Variants in PGBD2 observed in about 807,000 individuals in gnomAD.
The protein encoded by PGBD2 is piggyBac transposable element-derived protein 2.
A neutral mutation model predicts 8.1 loss-of-function variants in PGBD2; 6 were observed. The observed-to-expected ratio is 0.74, with a 90% CI of 0.40 to 1.46. PGBD2 has a LOEUF of 1.46. PGBD2 is among the 40% of genes most tolerant of loss of function. PGBD2 has a pLI of 0.02. For synonymous variants in PGBD2, 318 were observed against 272.2 expected (o/e 1.17, Z -1.66); for missense variants, 802 against 739.0 (o/e 1.09, Z -0.99).
the PGBD2 span, among the ~76,000 whole-genome samples, chr1:248,879,506 T>C: frequency 6.6e-6 from 1 of 152,200 alleles, no homozygotes; most frequent in Non-Finnish European, 1.5e-5. Flanking sequence ...ACTATTCTCC[T>C]GCCTCAGCCT....
intron 1 of PGBD2, among the ~76,000 whole-genome samples, chr1:248,907,034 C>T (rs906471628): frequency 2.0e-5 from 3 of 152,028 alleles, no homozygotes; most frequent in Non-Finnish European, 4.4e-5. Context: ...CCCAGGGGAC[C>T]GGCACTCAGC....
At chr1:248,904,182 C>G (rs1030967495), upstream of PGBD2, among the ~76,000 whole-genome samples, 1 of 151,768 alleles carries the variant, frequency 6.6e-6, no homozygotes, top group Non-Finnish European at 1.5e-5. Context: ...TAAATATTTT[C>G]CCCAATTTTT....
At position 248,915,427 on chromosome 1, in the gene PGBD2, T is replaced by C. The variant is rs965252026; in HGVS notation, c.18-1175T>C. On this transcript the variant is annotated intron_variant, in intron 2 of 2. Transcript: ENST00000329291. ...ATAAATTATATGAGCTATTTAATACTTAATTATAAAATAGGCTTTGTGTTA... is the reference window on the plus strand; with the variant it reads ...ATAAATTATATGAGCTATTTAATACCTAATTATAAAATAGGCTTTGTGTTA... Among the ~76,000 whole-genome samples, 8 of 152,364 alleles carry C rather than the reference T, an allele frequency of 5.3e-5. No individual in the cohort carries two copies. The South Asian group carries it at 1.4e-3, about 28-fold the overall frequency.
At chr1:248,913,674 C>T in intron 1 of PGBD2, 142 bp from the exon 2 acceptor site, 1 of 610,864 alleles carries the variant, frequency 1.6e-6, no homozygotes, top group Non-Finnish European at 2.9e-6. Context: ...TCTTTTCCCT[C>T]TGAATAACCA....
At position 248,917,765 on chromosome 1, in the gene PGBD2, AGAG is replaced by A. The variant is rs1558290147; in HGVS notation, c.1183_1185del (p.Arg395del). ...GACCCCAAAGAACTGAAAAAAATGAAGAGGGGTTCATTTGATTACAAAGTCGAT... is the reference window on the plus strand; with the variant it reads ...GACCCCAAAGAACTGAAAAAAATGAAGGGTTCATTTGATTACAAAGTCGAT... On this transcript the variant is annotated inframe_deletion, in exon 3 of 3. Coordinates refer to ENST00000329291, the MANE Select transcript of PGBD2 (RefSeq NM_170725.3). 1.2e-6 allele frequency: 2 copies of A among 1,614,200 alleles called. No individual in the cohort carries two copies. The highest frequency in any genetic ancestry group is 1.1e-5 in the South Asian group (1 of 91,080).
At chr1:248,904,374 T>C (rs1353996405), upstream of PGBD2, among the ~76,000 whole-genome samples, 1 of 152,212 alleles carries the variant, frequency 6.6e-6, no homozygotes. Flanking sequence ...TTTTTAAACG[T>C]AGCTTTATTC....
At chr1:248,898,527 G>T in the PGBD2 span, among the ~76,000 whole-genome samples, 2 of 152,166 alleles carry the variant, frequency 1.3e-5, no homozygotes, top group African/African-American at 4.8e-5. Flanking sequence ...AAGCAAAAAA[G>T]AAATAAGACC....
chr1:248,909,250 A>T (rs141421707), intron 1 of PGBD2, among the ~76,000 whole-genome samples: 1 of 152,176 alleles, frequency 6.6e-6, no homozygotes, highest in Non-Finnish European at 1.5e-5. Flanking sequence ...AGCACAGTCT[A>T]CAGACTCCTG....
At chr1:248,928,759 C>T in the PGBD2 span, among the ~76,000 whole-genome samples, 2 of 152,138 alleles carry the variant, frequency 1.3e-5, no homozygotes, top group African/African-American at 2.4e-5. Flanking sequence ...CTCATTTTTT[C>T]TCAACAAACT....
upstream of PGBD2, among the ~76,000 whole-genome samples, chr1:248,901,350 G>A (rs778386856): frequency 1.3e-5 from 2 of 152,128 alleles, no homozygotes; most frequent in African/African-American, 4.8e-5. Context: ...TATATAAGAA[G>A]GCTATGGTAA....
chr1:248,902,043 CG>C, upstream of PGBD2, among the ~76,000 whole-genome samples: 1 of 152,022 alleles, frequency 6.6e-6, no homozygotes, highest in Non-Finnish European at 1.5e-5. Context: ...CCAAGGCAAG[CG>C]GATCACTTGA....
At chr1:248,902,270 A>G (rs1305004898), upstream of PGBD2, among the ~76,000 whole-genome samples, 1 of 145,900 alleles carries the variant, frequency 6.9e-6, no homozygotes, top group East Asian at 2.0e-4. Flanking sequence ...CTCCATCTCA[A>G]AAAAAAAAAA....
the PGBD2 span, among the ~76,000 whole-genome samples, chr1:248,928,023 C>T: frequency 6.6e-6 from 1 of 152,142 alleles, no homozygotes; most frequent in Non-Finnish European, 1.5e-5. Context: ...GTAGTCACAA[C>T]CCAGGGTGTT....
At chr1:248,914,636 G>T in intron 2 of PGBD2, 1 of 1,273,182 alleles carries the variant, frequency 7.9e-7, no homozygotes, top group Non-Finnish European at 1.0e-6. Context: ...AGAGGTTGGG[G>T]CCTGCAAAGG....
At chr1:248,879,360 AATT>A in the PGBD2 span, among the ~76,000 whole-genome samples, 1 of 151,984 alleles carries the variant, frequency 6.6e-6, no homozygotes, top group African/African-American at 2.4e-5. Flanking sequence ...TAATTCATCT[AATT>A]ATCTATTAAA....
chr1:248,903,812 T>G (rs1474494015), upstream of PGBD2, among the ~76,000 whole-genome samples: 1 of 152,194 alleles, frequency 6.6e-6, no homozygotes, highest in Non-Finnish European at 1.5e-5. Context: ...GTGACATTCT[T>G]AATTGTTGGG....
At position 248,918,830 on chromosome 1, in the gene PGBD2, AATCTGCCTTGTATTT is replaced by A. The variant is rs1394275470; in HGVS notation, c.*469_*483del. The A allele has an allele frequency of 1.8e-5, 3 of 167,080 alleles. No homozygotes were observed. The highest frequency in any genetic ancestry group is 4.4e-5 in the Non-Finnish European group (3 of 68,122). The allele number at this position is 167,080 out of a possible 1,614,324, so 10.3% of individuals were successfully genotyped here. A position where few individuals can be genotyped will look rare whatever the true frequency, so the allele number is the denominator to read the frequency against. The stretch of plus-strand genomic sequence containing the variant: ...CAAGTTTATCAAACTTTTGAGGGAT[AATCTGCCTTGTATTT>A]AGTCAGAGGGCTAGAGGTGCAGATT... On this transcript the variant is annotated 3_prime_UTR_variant, in exon 3 of 3. Coordinates refer to ENST00000329291, the MANE Select transcript of PGBD2 (RefSeq NM_170725.3).
At chr1:248,925,541 A>G in the PGBD2 span, among the ~76,000 whole-genome samples, 1 of 151,322 alleles carries the variant, frequency 6.6e-6, no homozygotes, top group East Asian at 1.9e-4. Context: ...AAGAAATACT[A>G]GGATATTTTC....
At chr1:248,897,809 C>T in the PGBD2 span, among the ~76,000 whole-genome samples, 2 of 152,020 alleles carry the variant, frequency 1.3e-5, no homozygotes, top group Non-Finnish European at 1.5e-5. Context: ...CCAGTGGCAG[C>T]GACTGGAGAC....
Sources: allele counts gnomAD v4.1 joint callset (sites outside exome capture counted in the v4.1 genomes callset), GRCh38; gene constraint gnomAD v4.1.1; transcripts MANE v1.5; gene names NCBI Gene and HGNC (gene_info 2026-07-23, HGNC 2026-07-21).